Variants in ASCC3 observed in about 807,000 individuals in gnomAD.
ASCC3 encodes activating signal cointegrator 1 complex subunit 3.
A neutral mutation model predicts 256.3 loss-of-function variants in ASCC3; 158 were observed. The ratio of observed to expected loss-of-function variants is 0.62; its 90% CI spans 0.54 to 0.70. The LOEUF (loss-of-function observed/expected upper bound fraction) is 0.70. ASCC3 is among the 30% of genes least tolerant of loss of function. The pLI is 0.00. For missense variants in ASCC3, 2,259 were observed against 2,626.0 expected (o/e 0.86, Z 3.05); for synonymous variants, 948 against 883.4 (o/e 1.07, Z -1.30).
At chr6:100,666,623 C>A (rs920715514) in intron 14 of ASCC3, among the ~76,000 whole-genome samples, 1 of 152,248 alleles carries the variant, frequency 6.6e-6, no homozygotes, top group African/African-American at 2.4e-5. Context: ...CATATCTAAT[C>A]AGCTCCTCAA....
At chr6:100,638,859 A>G (rs764502837) in intron 24 of ASCC3, 38 bp from the exon 25 acceptor site, 3 of 1,463,528 alleles carry the variant, frequency 2.0e-6, no homozygotes, top group Admixed American at 1.7e-5. Flanking sequence ...CGACAATTGA[A>G]AAACACGCAT....
At chr6:100,517,966 T>C (rs773015399) in intron 38 of ASCC3, 25 bp downstream of exon 38, 5 of 1,609,640 alleles carry the variant, frequency 3.1e-6, no homozygotes, top group Non-Finnish European at 4.2e-6. Flanking sequence ...AACAAAACAA[T>C]TACATTGAAA....
intron 14 of ASCC3, among the ~76,000 whole-genome samples, chr6:100,672,092 C>T (rs1169840947): frequency 6.6e-6 from 1 of 152,034 alleles, no homozygotes; most frequent in Admixed American, 6.6e-5. Flanking sequence ...TTAAATGTCA[C>T]TTTGTTGGTC....
chr6:100,574,847 T>C (rs983448019), intron 36 of ASCC3, among the ~76,000 whole-genome samples: 7 of 152,108 alleles, frequency 4.6e-5, no homozygotes, highest in Non-Finnish European at 8.8e-5. Context: ...AAATATTTCA[T>C]TTCTCTATGT....
At chr6:100,545,633 C>T (rs1582423416) in intron 36 of ASCC3, among the ~76,000 whole-genome samples, 2 of 152,144 alleles carry the variant, frequency 1.3e-5, no homozygotes, top group Admixed American at 1.3e-4. Flanking sequence ...CTCTTGTCGC[C>T]CAGGCTGAAA....
At chr6:100,753,265 A>C (rs1781020582) in intron 10 of ASCC3, among the ~76,000 whole-genome samples, 1 of 151,702 alleles carries the variant, frequency 6.6e-6, no homozygotes, top group Admixed American at 6.6e-5. Context: ...AATTTGACCA[A>C]GATCATTGGC....
At chr6:100,658,847 A>C (rs575468041) in intron 16 of ASCC3, among the ~76,000 whole-genome samples, 1 of 151,754 alleles carries the variant, frequency 6.6e-6, no homozygotes, top group Admixed American at 6.6e-5. Flanking sequence ...GTAGTATGTA[A>C]AGTGAAAGAA....
intron 4 of ASCC3, among the ~76,000 whole-genome samples, chr6:100,806,663 G>T (rs1770199363): frequency 6.6e-6 from 1 of 151,902 alleles, no homozygotes; most frequent in East Asian, 1.9e-4. Flanking sequence ...CATTCTCAGA[G>T]AATCCACACA....
chr6:100,691,600 T>C (rs1777852557), intron 13 of ASCC3, among the ~76,000 whole-genome samples: 1 of 152,042 alleles, frequency 6.6e-6, no homozygotes, highest in South Asian at 2.1e-4. Flanking sequence ...ACATAGACTA[T>C]GTTATAATTT....
chr6:100,567,063 T>C (rs188239086), intron 36 of ASCC3, among the ~76,000 whole-genome samples: 2 of 152,162 alleles, frequency 1.3e-5, no homozygotes, highest in Admixed American at 1.3e-4. Context: ...GACTAGACAA[T>C]AGGAAAATTT....
intron 13 of ASCC3, among the ~76,000 whole-genome samples, chr6:100,706,828 T>C (rs192995064): frequency 3.5e-4 from 53 of 152,214 alleles, no homozygotes; most frequent in African/African-American, 1.3e-3. Flanking sequence ...ACATATAATG[T>C]AGGTACTTTC....
chr6:100,814,920 T>C (rs1000504870), intron 4 of ASCC3, among the ~76,000 whole-genome samples: 1 of 152,142 alleles, frequency 6.6e-6, no homozygotes, highest in Non-Finnish European at 1.5e-5. Context: ...TAGTTTTTCA[T>C]GTCTCAATCT....
intron 16 of ASCC3, among the ~76,000 whole-genome samples, chr6:100,657,436 T>C (rs1366907635): frequency 6.6e-6 from 1 of 151,476 alleles, no homozygotes; most frequent in African/African-American, 2.4e-5. Context: ...AGTTTGGTGA[T>C]ATAGCTAAAA....
At chr6:100,852,051 T>A (rs1012962544) in intron 3 of ASCC3, among the ~76,000 whole-genome samples, 1 of 152,166 alleles carries the variant, frequency 6.6e-6, no homozygotes, top group African/African-American at 2.4e-5. Flanking sequence ...GCTGCCCAGA[T>A]GAGAGCCCTG....
At chr6:100,828,270 A>G (rs1164992133) in intron 4 of ASCC3, among the ~76,000 whole-genome samples, 1 of 152,208 alleles carries the variant, frequency 6.6e-6, no homozygotes, top group Non-Finnish European at 1.5e-5. Flanking sequence ...GGGGATAAAA[A>G]AAGTACAAGG....
rs190667709 is a variant in ASCC3, at chr6:100,776,326, T to C, written c.1396-8981A>G. Among the ~76,000 whole-genome samples the C allele has an allele frequency of 4.6e-4, 70 of 152,234 alleles. No individual in the cohort carries two copies. In the East Asian group the frequency reaches 5.0e-3, roughly 11 times the overall value. On this transcript the variant is annotated intron_variant, in intron 8 of 41. Transcript: ENST00000369162. ...GCTTTATGTTTAATCCAGATAGTCA[T>C]TCTAAGTATATACCATTTTCCCTTT...
At chr6:100,686,784 T>C (rs1268969387) in intron 13 of ASCC3, among the ~76,000 whole-genome samples, 1 of 152,194 alleles carries the variant, frequency 6.6e-6, no homozygotes, top group Non-Finnish European at 1.5e-5. Flanking sequence ...AGTCAAAGTA[T>C]ATAAGACTAT....
chr6:100,676,768 A>ACACACACT (rs1554212593), intron 14 of ASCC3, among the ~76,000 whole-genome samples: 1 of 37,528 alleles, frequency 2.7e-5, no homozygotes, highest in Non-Finnish European at 6.1e-5. Flanking sequence ...ACACTCACAC[A>ACACACACT]CACACACACA....
intron 36 of ASCC3, among the ~76,000 whole-genome samples, chr6:100,564,779 A>C (rs952956663): frequency 6.6e-6 from 1 of 152,114 alleles, no homozygotes; most frequent in African/African-American, 2.4e-5. Context: ...AGAACAAATA[A>C]TCTTCCAAAT....
Sources: allele counts gnomAD v4.1 joint callset (sites outside exome capture counted in the v4.1 genomes callset), GRCh38; gene constraint gnomAD v4.1.1; transcripts MANE v1.5; gene names NCBI Gene and HGNC (gene_info 2026-07-23, HGNC 2026-07-21).